The following FBN2 variants were observed in gnomAD, a reference collection of about 807,000 sequenced individuals.
The protein encoded by FBN2 is fibrillin-2.
In FBN2, 105 loss-of-function variants were observed where a neutral mutation model predicts 355.6. The observed-to-expected ratio is 0.30, with a 90% CI of 0.25 to 0.35. The LOEUF is 0.35. Among genes scored for constraint, FBN2 ranks in the 10% least tolerant of loss-of-function variants. FBN2 has a pLI of 1.00. For synonymous variants in FBN2, 1,350 were observed against 1,301.2 expected (o/e 1.04, Z -0.81); for missense variants, 3,280 against 3,758.7 (o/e 0.87, Z 3.33).
chr5:128,345,712 G>A, intron 23 of FBN2, 128 bp from the exon 24 acceptor site: 1 of 779,990 alleles, frequency 1.3e-6, no homozygotes. Flanking sequence ...GCAAGATGCA[G>A]TCCCTGACCT....
chr5:128,290,473 C>T (rs1401614697), intron 50 of FBN2, among the ~76,000 whole-genome samples: 5 of 152,140 alleles, frequency 3.3e-5, no homozygotes, highest in South Asian at 2.1e-4. Context: ...CTCTCAAATT[C>T]GTACTTTTGA....
At chr5:128,274,430 C>T in intron 60 of FBN2, 137 bp downstream of exon 60, 1 of 681,022 alleles carries the variant, frequency 1.5e-6, no homozygotes, top group South Asian at 1.7e-5. Context: ...TTATTAGCAA[C>T]TTCTTTAGAC....
chr5:128,278,768 G>A lies in FBN2; in HGVS notation c.7212C>T (p.Leu2404=), dbSNP rs368506842. The stretch of plus-strand genomic sequence containing the variant: ...CACAGCAGCATTCTGACTTAGTGAC[G>A]AGATTGCGACTACTGGATGCCATTT... ...ICQMASSSRN[L]VTKSECCCDG... is the part of the protein sequence containing the mutation. The change falls in exon 57 of 65, where the codon CTC becomes CTT. Residue 2404 remains leucine (L), a synonymous_variant. Transcript: ENST00000262464. 2.0e-5 allele frequency: 32 copies of A among 1,614,086 alleles called. No homozygotes were observed. In the African/African-American group the frequency reaches 2.9e-4, roughly 15 times the overall value.
In FBN2 at chr5:128,507,469, T is replaced by C. The variant is rs538728147; in HGVS notation, c.628+11804A>G. On this transcript the variant is annotated intron_variant, in intron 5 of 64. Transcript: ENST00000262464. ...TACAAGGTAAATGCTATATAAATGG[T>C]TGTCTTACTGCTAAACTTTTTAAGT... 5.3e-5 allele frequency among the ~76,000 whole-genome samples: 8 copies of C among 152,136 alleles called. No homozygotes were observed. In the South Asian group the frequency reaches 6.2e-4, roughly 12 times the overall value.
intron 5 of FBN2, among the ~76,000 whole-genome samples, chr5:128,474,384 T>C (rs1485502471): frequency 6.6e-6 from 1 of 152,216 alleles, no homozygotes; most frequent in Non-Finnish European, 1.5e-5. Context: ...CATTTTATAG[T>C]ATCTTAGGAA....
chr5:128,364,776 G>A, intron 17 of FBN2, 51 bp from the exon 18 acceptor site: 1 of 1,503,350 alleles, frequency 6.7e-7, no homozygotes, highest in Non-Finnish European at 9.2e-7. Flanking sequence ...GTTATTGTTT[G>A]TTGATAAATG....
intron 34 of FBN2, 51 bp from the exon 35 acceptor site, chr5:128,319,052 T>A (rs753039033): frequency 8.9e-6 from 13 of 1,456,616 alleles, no homozygotes; most frequent in Non-Finnish European, 1.2e-5. Context: ...CATTTTAAAA[T>A]TTTAATGTAA....
At chr5:128,403,693 C>T (rs1012946456) in intron 8 of FBN2, among the ~76,000 whole-genome samples, 4 of 151,858 alleles carry the variant, frequency 2.6e-5, no homozygotes, top group East Asian at 1.9e-4. Flanking sequence ...TTATTAGGTA[C>T]GTTTTAACTC....
chr5:128,482,016 A>G (rs1326769562), intron 5 of FBN2, among the ~76,000 whole-genome samples: 1 of 152,184 alleles, frequency 6.6e-6, no homozygotes, highest in African/African-American at 2.4e-5. Flanking sequence ...GAAAGGCTCT[A>G]CTTCAATTTC....
chr5:128,363,665 A>G (rs1423950766), intron 18 of FBN2, among the ~76,000 whole-genome samples: 1 of 152,232 alleles, frequency 6.6e-6, no homozygotes, highest in Non-Finnish European at 1.5e-5. Context: ...GTGAGTCAAC[A>G]TGACCGGTGT....
chr5:128,522,560 A>G (rs1161746835), intron 4 of FBN2, among the ~76,000 whole-genome samples: 1 of 152,202 alleles, frequency 6.6e-6, no homozygotes, highest in Non-Finnish European at 1.5e-5. Context: ...TCTTTTAACT[A>G]TAGAACATTT....
At chr5:128,330,963 C>T (rs1162444115) in intron 32 of FBN2, among the ~76,000 whole-genome samples, 1 of 152,028 alleles carries the variant, frequency 6.6e-6, no homozygotes, top group Non-Finnish European at 1.5e-5. Context: ...TGTTAGATCT[C>T]ATTCTGACTT....
At chr5:128,380,396 G>A (rs1752200035) in intron 11 of FBN2, among the ~76,000 whole-genome samples, 1 of 152,038 alleles carries the variant, frequency 6.6e-6, no homozygotes, top group Non-Finnish European at 1.5e-5. Context: ...TGAAGAACAT[G>A]AGAAACCACG....
intron 5 of FBN2, among the ~76,000 whole-genome samples, chr5:128,465,159 T>A (rs149514168): frequency 6.6e-6 from 1 of 152,234 alleles, no homozygotes; most frequent in Non-Finnish European, 1.5e-5. Flanking sequence ...GTGTCTGGGA[T>A]ACAGATGTGC....
chr5:128,273,739 T>A (rs1033717118), intron 61 of FBN2, 101 bp downstream of exon 61: 3 of 1,230,722 alleles, frequency 2.4e-6, no homozygotes, highest in African/African-American at 1.5e-5. Context: ...TGTTCAATAC[T>A]TTTTTTTCTT....
rs1749182127 is a variant in FBN2, at chr5:128,287,304, T to C, written c.6880+4A>G. 12 of 1,613,702 alleles carry C rather than the reference T, an allele frequency of 7.4e-6. No individual in the cohort carries two copies. The highest frequency in any genetic ancestry group is 1.3e-5 in the African/African-American group (1 of 74,916). On this transcript the variant is annotated splice_donor_region_variant and intron_variant, in intron 54 of 64. Coordinates refer to ENST00000262464, the MANE Select transcript of FBN2 (RefSeq NM_001999.4). The stretch of plus-strand genomic sequence containing the variant: ...TCGAACTACTCCCGAGTCTGAGGCC[T>C]TACCTTTGCACATCTTTTGATCTTC...
chr5:128,467,037 T>G (rs907848654), intron 5 of FBN2, among the ~76,000 whole-genome samples: 3 of 152,208 alleles, frequency 2.0e-5, no homozygotes, highest in Admixed American at 1.3e-4. Context: ...TGAATACCCA[T>G]GTTCACATTC....
intron 5 of FBN2, among the ~76,000 whole-genome samples, chr5:128,484,195 T>C (rs17677346): frequency 0.17 from 25,143 of 152,250 alleles, 2,373 homozygotes; most frequent in Non-Finnish European, 0.23. Context: ...GATAACCAAG[T>C]CCTTCTAAGT....
chr5:128,335,364 T>G, intron 29 of FBN2, 69 bp from the exon 30 acceptor site: 1 of 1,612,598 alleles, frequency 6.2e-7, no homozygotes, highest in Non-Finnish European at 8.5e-7. Context: ...GTTTTTGTTT[T>G]CTATCTGGTT....
Sources: gnomAD v4.1 joint callset for allele counts (sites outside exome capture counted in the v4.1 genomes callset) on GRCh38, gnomAD v4.1.1 for gene constraint, MANE v1.5 for transcripts, NCBI Gene and HGNC (gene_info 2026-07-23, HGNC 2026-07-21) for gene names.